APBB1IP: variants seen among roughly 807,000 people sequenced by gnomAD.
APBB1IP encodes the protein amyloid beta precursor protein binding family B member 1 interacting protein.
In APBB1IP, 27 loss-of-function variants were observed where a neutral mutation model predicts 64.9. That is an observed-to-expected ratio of 0.42 (90% CI 0.31 to 0.57). The LOEUF (loss-of-function observed/expected upper bound fraction) is 0.57. Ranked by LOEUF, APBB1IP falls within the 20% of genes least tolerant of loss-of-function variation. The pLI is 0.20. For missense variants in APBB1IP, 812 were observed against 845.5 expected, an observed-to-expected ratio of 0.96 and a Z score of 0.49; for synonymous variants, 392 against 331.0, an observed-to-expected ratio of 1.18 and a Z score of -2.00.
chr10:26,530,663 C>T (rs565642624), intron 8 of APBB1IP, among the ~76,000 whole-genome samples: 1 of 150,996 alleles, frequency 6.6e-6, no homozygotes, highest in African/African-American at 2.4e-5. Flanking sequence ...GCACTCCACC[C>T]TGGCGACAGA....
At chr10:26,506,906 G>A (rs11015138) in intron 6 of APBB1IP, among the ~76,000 whole-genome samples, 20,650 of 152,216 alleles carry the variant, frequency 0.14, 1,705 homozygotes, top group East Asian at 0.3. Context: ...GTGCTGAGGA[G>A]GCCTCTCTGA....
At chr10:26,554,822 A>G (rs4747569) in intron 11 of APBB1IP, among the ~76,000 whole-genome samples, 1,539 of 152,248 alleles carry the variant, frequency 0.01, 12 homozygotes, top group Non-Finnish European at 0.015. Flanking sequence ...GGCTCAAGCA[A>G]TCCACCCACC....
chr10:26,496,283 T>TG (rs781120621), intron 3 of APBB1IP, 21 bp from the exon 4 acceptor site: 23 of 1,570,760 alleles, frequency 1.5e-5, no homozygotes, highest in East Asian at 2.3e-5. Flanking sequence ...ATAACTTTGA[T>TG]GGGGGGATCT....
chr10:26,471,725 G>A (rs942708535), intron 2 of APBB1IP, among the ~76,000 whole-genome samples: 7 of 151,684 alleles, frequency 4.6e-5, no homozygotes, highest in Admixed American at 3.3e-4. Context: ...TTGCTCTGTC[G>A]CCAGGCTGGA....
In APBB1IP at chr10:26,477,234, A is replaced by G. The variant is rs368850334; in HGVS notation, c.1-15093A>G. 8.6e-4 allele frequency among the ~76,000 whole-genome samples: 131 copies of G among 152,350 alleles called. 2 individuals are homozygous for G. The South Asian group carries it at 0.026, about 30-fold the overall frequency. ...GGCTGTGTCCTCAGGGGATTGCATC[A>G]GTGGGGCACACGATGTCACATGGTC... On this transcript the variant is annotated intron_variant, in intron 2 of 14. Coordinates refer to ENST00000376236, the MANE Select transcript of APBB1IP (RefSeq NM_019043.4).
At chr10:26,543,564 G>A (rs113308921) in intron 11 of APBB1IP, among the ~76,000 whole-genome samples, 7 of 151,548 alleles carry the variant, frequency 4.6e-5, no homozygotes, top group African/African-American at 1.5e-4. Context: ...TTTCACTGCC[G>A]CATTCCCATC....
intron 11 of APBB1IP, among the ~76,000 whole-genome samples, chr10:26,558,168 CGATGCTTGTGGTTAATTATTTTTCT>C (rs1564378232): frequency 6.6e-6 from 1 of 150,416 alleles, no homozygotes; most frequent in East Asian, 2.0e-4. Context: ...CACACACACA[CGATGCTTGTGGTTAATTATTTTTCT>C]ACATAATAAA....
chr10:26,472,189 T>C (rs564887921), intron 2 of APBB1IP, among the ~76,000 whole-genome samples: 1 of 152,284 alleles, frequency 6.6e-6, no homozygotes, highest in Admixed American at 6.5e-5. Context: ...CCACACCGCA[T>C]GTAATTTTTC....
At chr10:26,453,242 G>T (rs768625895) in intron 2 of APBB1IP, among the ~76,000 whole-genome samples, 3 of 152,198 alleles carry the variant, frequency 2.0e-5, no homozygotes, top group Non-Finnish European at 4.4e-5. Context: ...TTATCTGAGT[G>T]GAGAAATGGC....
intron 2 of APBB1IP, among the ~76,000 whole-genome samples, chr10:26,484,180 T>C (rs970802280): frequency 7.2e-5 from 11 of 152,336 alleles, no homozygotes; most frequent in African/African-American, 2.4e-4. Flanking sequence ...CTTCATTGTA[T>C]TGACACTTGC....
chr10:26,551,498 T>C (rs577285108), intron 11 of APBB1IP, among the ~76,000 whole-genome samples: 30 of 152,350 alleles, frequency 2.0e-4, no homozygotes, highest in African/African-American at 6.7e-4. Flanking sequence ...AAAGGCACTT[T>C]TGTGCGTGGA....
chr10:26,456,960 T>C (rs1431048906), intron 2 of APBB1IP, among the ~76,000 whole-genome samples: 2 of 152,122 alleles, frequency 1.3e-5, no homozygotes, highest in Non-Finnish European at 2.9e-5. Context: ...GACAAACTGA[T>C]CATATTTGGG....
intron 2 of APBB1IP, among the ~76,000 whole-genome samples, chr10:26,440,914 AT>A (rs541254805): frequency 1.3e-5 from 2 of 152,204 alleles, no homozygotes; most frequent in South Asian, 4.1e-4. Flanking sequence ...TTTTCTTCTA[AT>A]TCTCTTCAAT....
chr10:26,480,248 C>T (rs1473057556), intron 2 of APBB1IP, among the ~76,000 whole-genome samples: 1 of 152,146 alleles, frequency 6.6e-6, no homozygotes, highest in Admixed American at 6.5e-5. Flanking sequence ...TGGTAGTCGC[C>T]TGACCCCACT....
chr10:26,558,140 AACACACAC>A (rs58025187), intron 11 of APBB1IP, among the ~76,000 whole-genome samples: 15 of 148,994 alleles, frequency 1.0e-4, no homozygotes, highest in Non-Finnish European at 2.2e-4. Context: ...CACACACACA[AACACACAC>A]ACACACACAC....
intron 2 of APBB1IP, among the ~76,000 whole-genome samples, chr10:26,449,273 T>C (rs919846233): frequency 1.3e-5 from 2 of 152,148 alleles, no homozygotes; most frequent in Non-Finnish European, 2.9e-5. Context: ...AACCATCCCC[T>C]TGTGGACTTG....
intron 11 of APBB1IP, among the ~76,000 whole-genome samples, chr10:26,542,411 A>G (rs1463267578): frequency 6.6e-6 from 1 of 152,170 alleles, no homozygotes; most frequent in East Asian, 1.9e-4. Context: ...CTACCTTGGC[A>G]TCCCAAAGTG....
At chr10:26,505,201 G>T (rs1305521223) in intron 6 of APBB1IP, among the ~76,000 whole-genome samples, 1 of 152,172 alleles carries the variant, frequency 6.6e-6, no homozygotes, top group Non-Finnish European at 1.5e-5. Flanking sequence ...CTGAATGAAG[G>T]TGTTCAATAC....
At chr10:26,515,708 AT>A (rs1836317824) in intron 8 of APBB1IP, among the ~76,000 whole-genome samples, 1 of 152,212 alleles carries the variant, frequency 6.6e-6, no homozygotes, top group Admixed American at 6.5e-5. Context: ...AAGATTAGCC[AT>A]GGTGGGAGAG....
Sources: gnomAD v4.1 joint callset for allele counts (sites outside exome capture counted in the v4.1 genomes callset) on GRCh38, gnomAD v4.1.1 for gene constraint, MANE v1.5 for transcripts, NCBI Gene and HGNC (gene_info 2026-07-23, HGNC 2026-07-21) for gene names.